The following DTX4 variants were observed in gnomAD, a reference collection of about 807,000 sequenced individuals.
DTX4 encodes deltex E3 ubiquitin ligase 4.
DTX4 carries 28 observed loss-of-function variants against 57.6 expected under a neutral mutation model. The observed-to-expected ratio is 0.49, with a 90% CI of 0.36 to 0.67. The LOEUF is 0.67. DTX4 is among the 30% of genes least tolerant of loss of function. The pLI is 0.00. For missense variants in DTX4, 715 were observed against 836.8 expected, an observed-to-expected ratio of 0.85 and a Z score of 1.80; for synonymous variants, 316 against 331.0, an observed-to-expected ratio of 0.95 and a Z score of 0.49.
At chr11:59,199,832 C>T in intron 8 of DTX4, 59 bp downstream of exon 8, 2 of 1,421,734 alleles carry the variant, frequency 1.4e-6, no homozygotes, top group East Asian at 2.5e-5. Context: ...CAGTTTACTT[C>T]TATGTCAAGG....
In DTX4 at chr11:59,208,215, G is replaced by T. The variant is rs562596316; in HGVS notation, c.*3306G>T. The T allele has an allele frequency of 2.6e-5, 4 of 152,550 alleles. No individual in the cohort carries two copies. The highest frequency in any genetic ancestry group is 5.9e-5 in the Non-Finnish European group (4 of 68,028). The allele number at this position is 152,550 out of a possible 1,614,324, so 9.4% of individuals were successfully genotyped here. A position where few individuals can be genotyped will look rare whatever the true frequency, so the allele number is the denominator to read the frequency against. On this transcript the variant is annotated 3_prime_UTR_variant, in exon 9 of 9. Coordinates refer to ENST00000227451, the MANE Select transcript of DTX4 (RefSeq NM_015177.2). ...GGCCTTCTGCTGTTTGTAGATTAGT[G>T]CACCTATCTGTGAGGGATTTGGGTT...
chr11:59,180,820 C>T (rs1394005594), intron 1 of DTX4, among the ~76,000 whole-genome samples: 2 of 152,126 alleles, frequency 1.3e-5, no homozygotes, highest in Non-Finnish European at 2.9e-5. Context: ...ATAACCCTGA[C>T]CTCTTCCCGG....
At chr11:59,172,103 G>A (rs1269889160), upstream of DTX4, among the ~76,000 whole-genome samples, 2 of 149,516 alleles carry the variant, frequency 1.3e-5, no homozygotes, top group African/African-American at 4.9e-5. Flanking sequence ...GGGGAGGGAG[G>A]GAGAGAGGGG....
intron 3 of DTX4, 82 bp from the exon 4 acceptor site, chr11:59,189,080 A>G: frequency 1.3e-6 from 2 of 1,507,718 alleles, no homozygotes; most frequent in Non-Finnish European, 1.8e-6. Flanking sequence ...GGAGGAGAGT[A>G]GGTTAATGGG....
At chr11:59,195,791 T>A (rs1242667127) in intron 7 of DTX4, among the ~76,000 whole-genome samples, 1 of 152,272 alleles carries the variant, frequency 6.6e-6, no homozygotes, top group Admixed American at 6.5e-5. Flanking sequence ...GATGGGCATA[T>A]GGATTGTTGC....
intron 7 of DTX4, among the ~76,000 whole-genome samples, chr11:59,196,736 A>G (rs1252210160): frequency 6.6e-6 from 1 of 151,726 alleles, no homozygotes; most frequent in Non-Finnish European, 1.5e-5. Context: ...TAGGTCGTGC[A>G]CTCCTTATGA....
chr11:59,191,258 A>G lies in DTX4; in HGVS notation c.1221+83A>G, dbSNP rs186030066. 409 of 1,396,608 alleles carry G rather than the reference A, an allele frequency of 2.9e-4. 2 individuals are homozygous for G. The African/African-American group carries it at 5.1e-3, about 17-fold the overall frequency. 86.5% of individuals were successfully genotyped at this position (1,396,608 alleles called of 1,614,324 possible). ...CTTCTGCTGTTGGTTTCTACAGGAT[A>G]TGGCGGGGGCTGCATTCCAAGTTCT... On this transcript the variant is annotated intron_variant, in intron 5 of 8. Transcript: ENST00000227451.
intron 1 of DTX4, among the ~76,000 whole-genome samples, chr11:59,177,589 T>C (rs1862411003): frequency 6.6e-6 from 1 of 152,194 alleles, no homozygotes; most frequent in South Asian, 2.1e-4. Flanking sequence ...TCTCTGGCTC[T>C]AACATATCTT....
rs1377386448 is a variant in DTX4 at position 59,207,808 on chromosome 11, T to C, written c.*2899T>C. On this transcript the variant is annotated 3_prime_UTR_variant, in exon 9 of 9. Coordinates refer to ENST00000227451, the MANE Select transcript of DTX4 (RefSeq NM_015177.2). Reference sequence around the variant, plus strand: ...AGATGCTCATCCCCTAAAAGGTTAATTGTGTATTTGTGGCTGCGTGTGCCT... The same window carrying C: ...AGATGCTCATCCCCTAAAAGGTTAACTGTGTATTTGTGGCTGCGTGTGCCT... 6.6e-6 allele frequency: 1 copy of C among 152,618 alleles called. No individual in the cohort carries two copies. Among genetic ancestry groups the C allele is most frequent in the East Asian group, 1.9e-4 (1 of 5,192 alleles). 9.5% of individuals were successfully genotyped at this position (152,618 alleles called of 1,614,324 possible).
At chr11:59,185,546 T>C (rs1273557650) in intron 2 of DTX4, among the ~76,000 whole-genome samples, 1 of 152,002 alleles carries the variant, frequency 6.6e-6, no homozygotes. Flanking sequence ...ATGCCTGCCA[T>C]TGGGTTGCAG....
intron 6 of DTX4, among the ~76,000 whole-genome samples, chr11:59,193,876 C>T (rs1226801049): frequency 1.3e-5 from 2 of 152,202 alleles, no homozygotes; most frequent in Non-Finnish European, 2.9e-5. Context: ...AGCAGAGGAT[C>T]CCTGTCTTCC....
chr11:59,191,276 C>A, intron 5 of DTX4, 101 bp downstream of exon 5: 4 of 1,224,354 alleles, frequency 3.3e-6, no homozygotes, highest in Non-Finnish European at 4.6e-6. Context: ...GGCTGCATTC[C>A]AAGTTCTCAT....
intron 8 of DTX4, among the ~76,000 whole-genome samples, chr11:59,204,171 T>C (rs569588882): frequency 6.6e-6 from 1 of 152,018 alleles, no homozygotes; most frequent in South Asian, 2.1e-4. Context: ...ACTAGAAAAA[T>C]AGTGCACAGC....
chr11:59,191,535 T>A (rs532063904), intron 5 of DTX4, among the ~76,000 whole-genome samples: 2 of 152,232 alleles, frequency 1.3e-5, no homozygotes, highest in African/African-American at 2.4e-5. Flanking sequence ...CATTTGGCCA[T>A]GTCTGGAGAC....
chr11:59,183,231 A>G (rs1862487858), intron 2 of DTX4, among the ~76,000 whole-genome samples: 1 of 152,204 alleles, frequency 6.6e-6, no homozygotes, highest in South Asian at 2.1e-4. Context: ...CCCAGCATTC[A>G]GTAGGTGCAA....
chr11:59,173,232 A>T (rs1330316905), intron 1 of DTX4, among the ~76,000 whole-genome samples: 1 of 152,134 alleles, frequency 6.6e-6, no homozygotes, highest in South Asian at 2.1e-4. Context: ...GTTTTGCTTC[A>T]GGCACGCTGG....
chr11:59,199,776 A>G lies in DTX4; in HGVS notation c.1626+3A>G, dbSNP rs1404119938. ...CGGACAGCGAGAAAGGGAGAAAAGT[A>G]AGACCGGAAGTTTCCACATAGAACT... is the stretch of plus-strand genomic sequence containing the variant. On this transcript the variant is annotated splice_donor_region_variant and intron_variant, in intron 8 of 8. Transcript: ENST00000227451. The G allele has an allele frequency of 6.4e-7, 1 of 1,557,210 alleles. No homozygotes were observed. The highest frequency in any genetic ancestry group is 8.7e-7 in the Non-Finnish European group (1 of 1,149,962).
chr11:59,198,853 T>G (rs1308351631), intron 7 of DTX4, among the ~76,000 whole-genome samples: 1 of 152,176 alleles, frequency 6.6e-6, no homozygotes. Context: ...GGGGATTTGG[T>G]CATTGTTACC....
Position 59,192,160 on chromosome 11 carries a change from G to A in DTX4, c.1284G>A (p.Thr428=), listed in dbSNP as rs186374111. ...APSGYKGPQP[T]VKPDLVGKLS... is the part of the protein sequence containing the mutation. The stretch of plus-strand genomic sequence containing the variant: ...CAGGCTACAAGGGCCCGCAGCCTAC[G>A]GTAAAACCTGACCTGGTAGGGAAGC... The change falls in exon 6 of 9, where the codon ACG becomes ACA. Residue 428 remains threonine, a synonymous_variant. Transcript: ENST00000227451. The A allele has an allele frequency of 4.3e-3, 6,964 of 1,613,934 alleles. 438 individuals are homozygous for A. In the Admixed American group the frequency reaches 0.11, roughly 25 times the overall value.
Sources: allele counts gnomAD v4.1 joint callset (sites outside exome capture counted in the v4.1 genomes callset), GRCh38; gene constraint gnomAD v4.1.1; transcripts MANE v1.5; gene names NCBI Gene and HGNC (gene_info 2026-07-23, HGNC 2026-07-21).